EGLN1: variants seen among roughly 807,000 people sequenced by gnomAD.
EGLN1 encodes egl-9 family hypoxia inducible factor 1, also known as egl nine homolog 1.
EGLN1 carries 17 observed loss-of-function variants against 38.3 expected under a neutral mutation model. The observed-to-expected ratio is 0.44, with a 90% confidence interval of 0.30 to 0.67. The LOEUF (loss-of-function observed/expected upper bound fraction) is 0.67. Ranked by LOEUF, EGLN1 falls within the 30% of genes least tolerant of loss-of-function variation. EGLN1 has a pLI of 0.08. For synonymous variants in EGLN1, 283 were observed against 257.5 expected (o/e 1.10, Z -0.95); for missense variants, 477 against 603.3 (o/e 0.79, Z 2.19).
chr1:231,420,272 G>A (rs1656530747), intron 1 of EGLN1: 1 of 152,218 alleles, frequency 6.6e-6, no homozygotes, highest in South Asian at 2.1e-4. Flanking sequence ...GTTTTCAACA[G>A]AAGGATTACA....
chr1:231,418,636 G>C (rs935011584), intron 1 of EGLN1, among the ~76,000 whole-genome samples: 4 of 152,136 alleles, frequency 2.6e-5, no homozygotes, highest in Admixed American at 2.0e-4. Context: ...GGACAAGGCA[G>C]GAGGATCCCC....
At chr1:231,374,184 GCTA>G in intron 1 of EGLN1, 85 bp from the exon 2 acceptor site, 1 of 1,281,674 alleles carries the variant, frequency 7.8e-7, no homozygotes, top group South Asian at 1.2e-5. Context: ...CTGATTTTTG[GCTA>G]CTGATTTACA....
In EGLN1 at chr1:231,370,656, G is replaced by A. The variant is rs1687796483; in HGVS notation, c.1054C>T (p.Gln352Ter). 1 of 1,613,954 alleles carries A rather than the reference G, an allele frequency of 6.2e-7. No individual in the cohort carries two copies. The highest frequency in any genetic ancestry group is 1.7e-5 in the Admixed American group (1 of 59,990). Residue 352 changes from glutamine (Q) to a stop codon, truncating the protein, a stop_gained, in exon 3 of 5, where the codon CAG becomes TAG. Transcript: ENST00000366641. LOFTEE classifies it high-confidence loss of function. ...AATTTGGGTTCAATGTCAGCAAACT[G>A]GGCTTTGCCTTCTGGAAAAATTCGA... Reference protein sequence around the residue: ...ILRIFPEGKAQFADIEPKFDR... With the variant: ...ILRIFPEGKA
chr1:231,372,742 T>A (rs1687859679), intron 2 of EGLN1, among the ~76,000 whole-genome samples: 1 of 152,196 alleles, frequency 6.6e-6, no homozygotes, highest in African/African-American at 2.4e-5. Context: ...GAAAACTCTT[T>A]AAATCAGTGT....
rs1281613585 is a variant in EGLN1, at chr1:231,421,742, C to T, written c.147G>A (p.Gln49=). The T allele has an allele frequency of 1.3e-6, 2 of 1,545,532 alleles. No homozygotes were observed. Among genetic ancestry groups the T allele is most frequent in the South Asian group, 1.2e-5 (1 of 84,676 alleles). The stretch of plus-strand genomic sequence containing the variant: ...ACACGAGCTTGTGCTTCTTCCAGTC[C>T]TGACGCTGGTGCTCCTTGCAGCAGT... The part of the protein sequence containing the change: ...SFYCCKEHQR[Q]DWKKHKLVCQ... Residue 49 remains glutamine, a synonymous_variant, in exon 1 of 5, where the codon CAG becomes CAA. Transcript: ENST00000366641. The surrounding 1 kb of genome is among the most constrained non-coding windows in gnomAD (Gnocchi z 5.5).
At chr1:231,373,899 C>G (rs1316906107) in intron 2 of EGLN1, 81 bp downstream of exon 2, 35 of 1,521,062 alleles carry the variant, frequency 2.3e-5, no homozygotes, top group Admixed American at 6.8e-5. Flanking sequence ...CTGTGACAGT[C>G]TTATCAGAAG....
intron 1 of EGLN1, 43 bp from the exon 2 acceptor site, chr1:231,374,142 T>A (rs1275983288): frequency 1.9e-6 from 3 of 1,586,754 alleles, no homozygotes; most frequent in Non-Finnish European, 2.6e-6. Flanking sequence ...CATGTATAAA[T>A]AAAAAGAGAG....
chr1:231,366,594 C>A, intron 4 of EGLN1, 119 bp from the exon 5 acceptor site: 1 of 1,012,712 alleles, frequency 9.9e-7, no homozygotes, highest in East Asian at 2.5e-5. Flanking sequence ...CAAACATCAT[C>A]TGAGAACTAT....
At chr1:231,378,169 C>T (rs1688002820) in intron 1 of EGLN1, among the ~76,000 whole-genome samples, 1 of 152,086 alleles carries the variant, frequency 6.6e-6, no homozygotes, top group East Asian at 1.9e-4. Context: ...GATCTGCCAA[C>T]CCAATTAACT....
At chr1:231,385,579 G>T (rs1688184633) in intron 1 of EGLN1, among the ~76,000 whole-genome samples, 2 of 152,214 alleles carry the variant, frequency 1.3e-5, no homozygotes, top group South Asian at 4.1e-4. Flanking sequence ...AATGTGACAG[G>T]TAAGGCTGGA....
In EGLN1 at chr1:231,393,240, T is replaced by C. The variant is rs550304731; in HGVS notation, c.892-19141A>G. 4.6e-5 allele frequency among the ~76,000 whole-genome samples: 7 copies of C among 152,328 alleles called. No homozygotes were observed. The South Asian group carries it at 6.2e-4, about 14-fold the overall frequency. On this transcript the variant is annotated intron_variant, in intron 1 of 4. Coordinates refer to ENST00000366641, the MANE Select transcript of EGLN1 (RefSeq NM_022051.3). ...CTCTGCCAGTCAATCAGCAGACCCA[T>C]AGGTAAGGACCAATACATTTTGTTC... is the stretch of plus-strand genomic sequence containing the variant.
At chr1:231,367,062 G>A (rs1380517524) in intron 4 of EGLN1, among the ~76,000 whole-genome samples, 3 of 152,184 alleles carry the variant, frequency 2.0e-5, no homozygotes, top group African/African-American at 7.2e-5. Flanking sequence ...CAAGAGTGCT[G>A]ACCTATGTAC....
chr1:231,390,138 C>G (rs1688329446), intron 1 of EGLN1, among the ~76,000 whole-genome samples: 1 of 152,182 alleles, frequency 6.6e-6, no homozygotes, highest in South Asian at 2.1e-4. Context: ...ACATGCAAAG[C>G]TAATAAACTA....
At position 231,422,064 on chromosome 1, in the gene EGLN1, C is replaced by G; in HGVS notation, c.-176G>C. Reference sequence around the variant, plus strand: ...CCCACGCCCTCGGCCCGGCCGCTTCCGAGTCCTAAGCTCCGGCGCAGCGCC... The same window carrying G: ...CCCACGCCCTCGGCCCGGCCGCTTCGGAGTCCTAAGCTCCGGCGCAGCGCC... On this transcript the variant is annotated 5_prime_UTR_variant, in exon 1 of 5. Coordinates refer to ENST00000366641, the MANE Select transcript of EGLN1 (RefSeq NM_022051.3). 1 of 593,442 alleles carries G rather than the reference C, an allele frequency of 1.7e-6. No individual in the cohort carries two copies. The highest frequency in any genetic ancestry group is 2.5e-6 in the Non-Finnish European group (1 of 396,840). The allele number at this position is 593,442 out of a possible 1,614,324, so 36.8% of individuals were successfully genotyped here. A position where few individuals can be genotyped will look rare whatever the true frequency, so the allele number is the denominator to read the frequency against.
At position 231,421,894 on chromosome 1, in the gene EGLN1, C is replaced by A; in HGVS notation, c.-6G>T. 7.1e-7 allele frequency: 1 copy of A among 1,412,044 alleles called. No individual in the cohort carries two copies. The allele number at this position is 1,412,044 out of a possible 1,614,324, so 87.5% of individuals were successfully genotyped here. ...CCGCCGCTGTCATTGGCCATGGCGG[C>A]GGCGGCGGCGGCGACGGCGACTGCG... On this transcript the variant is annotated 5_prime_UTR_variant, in exon 1 of 5. Coordinates refer to ENST00000366641, the MANE Select transcript of EGLN1 (RefSeq NM_022051.3). This position sits in a 1 kb window ranked among gnomAD's most constrained non-coding sequence, Gnocchi z 5.5.
chr1:231,407,374 C>T (rs916220982), intron 1 of EGLN1, among the ~76,000 whole-genome samples: 5 of 152,182 alleles, frequency 3.3e-5, no homozygotes, highest in African/African-American at 1.2e-4. Context: ...AAACCTCCTT[C>T]CACGTAATTG....
chr1:231,403,155 A>G (rs573425188), intron 1 of EGLN1, among the ~76,000 whole-genome samples: 27 of 152,322 alleles, frequency 1.8e-4, no homozygotes, highest in Middle Eastern at 3.4e-3. Context: ...TTTATGGCCT[A>G]GCACCTGTTG....
intron 1 of EGLN1, among the ~76,000 whole-genome samples, chr1:231,405,695 C>T (rs943176969): frequency 6.6e-6 from 1 of 151,978 alleles, no homozygotes; most frequent in African/African-American, 2.4e-5. Flanking sequence ...TCTTCCCCAC[C>T]CCACACTACT....
chr1:231,399,617 C>T (rs1255087878), intron 1 of EGLN1, among the ~76,000 whole-genome samples: 1 of 152,174 alleles, frequency 6.6e-6, no homozygotes, highest in Non-Finnish European at 1.5e-5. Context: ...ATTTTAATGG[C>T]TATGTGCCAG....
Sources: allele counts gnomAD v4.1 joint callset (sites outside exome capture counted in the v4.1 genomes callset), GRCh38; gene constraint gnomAD v4.1.1; non-coding constraint Gnocchi (gnomAD v3.1); transcripts MANE v1.5; gene names NCBI Gene and HGNC (gene_info 2026-07-23, HGNC 2026-07-21).